Variants in NPFFR2 observed in about 807,000 individuals in gnomAD.
The protein encoded by NPFFR2 is G-protein coupled receptor 74.
In NPFFR2, 15 loss-of-function variants were observed where a neutral mutation model predicts 13.1. That is an observed-to-expected ratio of 1.15 (90% CI 0.77 to 1.76). The LOEUF (loss-of-function observed/expected upper bound fraction) is 1.76, where lower values mean the gene tolerates loss of function less well. Among genes scored for constraint, NPFFR2 ranks in the 40% most tolerant of loss-of-function variants. The pLI, the probability that NPFFR2 is intolerant of heterozygous loss-of-function variation, is 0.00. For synonymous variants in NPFFR2, 190 were observed against 175.7 expected (o/e 1.08, Z -0.65); for missense variants, 572 against 503.5 (o/e 1.14, Z -1.30).
At chr4:72,050,733 A>G (rs1212527657) in intron 1 of NPFFR2, among the ~76,000 whole-genome samples, 3 of 151,482 alleles carry the variant, frequency 2.0e-5, no homozygotes, top group Non-Finnish European at 4.4e-5. Context: ...ATCTAGCATT[A>G]GGTATATCTC....
chr4:72,076,611 T>C (rs1227418082), intron 1 of NPFFR2, among the ~76,000 whole-genome samples: 2 of 152,138 alleles, frequency 1.3e-5, no homozygotes, highest in Non-Finnish European at 2.9e-5. Context: ...GCCAAACTGC[T>C]GTGTGTGGAA....
chr4:72,063,507 T>C (rs547031045), intron 1 of NPFFR2, among the ~76,000 whole-genome samples: 12 of 152,356 alleles, frequency 7.9e-5, no homozygotes, highest in African/African-American at 2.9e-4. Context: ...TTTAAGGCTA[T>C]TGAGTTACTC....
At chr4:72,078,385 G>A in intron 1 of NPFFR2, among the ~76,000 whole-genome samples, 1 of 152,270 alleles carries the variant, frequency 6.6e-6, no homozygotes, top group South Asian at 2.1e-4. Context: ...CAATGAATGA[G>A]TGAGAGCAGA....
At chr4:72,134,830 C>G (rs371190359) in intron 2 of NPFFR2, among the ~76,000 whole-genome samples, 2 of 152,096 alleles carry the variant, frequency 1.3e-5, no homozygotes, top group African/African-American at 2.4e-5. Flanking sequence ...CAGAGCAGCT[C>G]CTGCTCTGGG....
chr4:72,072,506 AATT>A (rs1248780436), intron 1 of NPFFR2, among the ~76,000 whole-genome samples: 2 of 152,154 alleles, frequency 1.3e-5, no homozygotes, highest in Non-Finnish European at 2.9e-5. Context: ...GGACCATAGA[AATT>A]ATTGTCTGAG....
intron 1 of NPFFR2, among the ~76,000 whole-genome samples, chr4:72,067,362 C>A (rs1204562877): frequency 6.6e-6 from 1 of 152,096 alleles, no homozygotes; most frequent in Non-Finnish European, 1.5e-5. Context: ...TCCTCTCTTC[C>A]AGCTTTTCTG....
chr4:72,071,693 G>T (rs555175888), intron 1 of NPFFR2, among the ~76,000 whole-genome samples: 45 of 152,178 alleles, frequency 3.0e-4, no homozygotes, highest in African/African-American at 1.1e-3. Flanking sequence ...AGAAGCCTGG[G>T]TGCACAAAAA....
chr4:72,110,962 C>T (rs974515022), intron 1 of NPFFR2, among the ~76,000 whole-genome samples: 4 of 151,936 alleles, frequency 2.6e-5, no homozygotes, highest in Non-Finnish European at 4.4e-5. Context: ...CAAAAAACTG[C>T]AAAAGCCTAA....
At chr4:72,105,828 C>G (rs2109814445) in intron 1 of NPFFR2, among the ~76,000 whole-genome samples, 1 of 152,080 alleles carries the variant, frequency 6.6e-6, no homozygotes, top group Admixed American at 6.6e-5. Context: ...ATGTCACATG[C>G]TAGACTATTC....
chr4:72,108,839 T>C (rs938999630), intron 1 of NPFFR2, among the ~76,000 whole-genome samples: 2 of 152,040 alleles, frequency 1.3e-5, no homozygotes, highest in Admixed American at 1.3e-4. Flanking sequence ...AATTGAACAA[T>C]GCAATGTTTA....
intron 1 of NPFFR2, among the ~76,000 whole-genome samples, chr4:72,099,447 G>A (rs80229719): frequency 3.3e-5 from 5 of 152,246 alleles, no homozygotes; most frequent in African/African-American, 9.6e-5. Flanking sequence ...AATTGGCTCA[G>A]GGTTCTGCAG....
chr4:72,115,480 A>G (rs935139286), intron 1 of NPFFR2, among the ~76,000 whole-genome samples: 7 of 152,158 alleles, frequency 4.6e-5, no homozygotes, highest in Non-Finnish European at 8.8e-5. Context: ...GCGTCTAAAC[A>G]AGGTCTTAGA....
intron 1 of NPFFR2, among the ~76,000 whole-genome samples, chr4:72,043,607 T>G (rs1278592615): frequency 1.3e-5 from 2 of 152,254 alleles, no homozygotes; most frequent in African/African-American, 4.8e-5. Context: ...ATAATTGCCC[T>G]ATTGGATTTT....
intron 1 of NPFFR2, among the ~76,000 whole-genome samples, chr4:72,094,675 T>A (rs4510440): frequency 0.95 from 144,962 of 152,266 alleles, 69,438 homozygotes; most frequent in East Asian, 1. Context: ...TCTCACTCCC[T>A]CTGTGCCCCT....
chr4:72,110,167 C>T (rs1721526173), intron 1 of NPFFR2, among the ~76,000 whole-genome samples: 1 of 151,946 alleles, frequency 6.6e-6, no homozygotes, highest in Admixed American at 6.6e-5. Context: ...CCCCATGCTG[C>T]TGCTCTCATG....
chr4:72,070,378 A>G (rs929717027), intron 1 of NPFFR2, among the ~76,000 whole-genome samples: 1 of 152,162 alleles, frequency 6.6e-6, no homozygotes, highest in Non-Finnish European at 1.5e-5. Context: ...AACCATAAGC[A>G]AATTCAGGGA....
chr4:72,102,738 A>G (rs1187428575), intron 1 of NPFFR2, among the ~76,000 whole-genome samples: 1 of 151,950 alleles, frequency 6.6e-6, no homozygotes, highest in African/African-American at 2.4e-5. Context: ...TCCATGGTGT[A>G]TATGTGCCAC....
At chr4:72,112,999 C>T (rs1442642076) in intron 1 of NPFFR2, among the ~76,000 whole-genome samples, 3 of 152,116 alleles carry the variant, frequency 2.0e-5, no homozygotes, top group African/African-American at 7.2e-5. Flanking sequence ...TGAAGAAGCC[C>T]TGCAAGTAAT....
chr4:72,055,091 A>T (rs956421828), intron 1 of NPFFR2, among the ~76,000 whole-genome samples: 1 of 151,966 alleles, frequency 6.6e-6, no homozygotes, highest in Admixed American at 6.6e-5. Flanking sequence ...CTTAAAAAGC[A>T]TTAGACTAAG....
Sources: allele counts gnomAD v4.1 joint callset (sites outside exome capture counted in the v4.1 genomes callset), GRCh38; gene constraint gnomAD v4.1.1; transcripts MANE v1.5; gene names NCBI Gene and HGNC (gene_info 2026-07-23, HGNC 2026-07-21).